The following DYNC2H1 variants were observed in gnomAD, a reference collection of about 807,000 sequenced individuals.
The protein encoded by DYNC2H1 is cytoplasmic dynein 2 heavy chain 1.
In DYNC2H1, 410 loss-of-function variants were observed where a neutral mutation model predicts 570.0. The ratio of observed to expected loss-of-function variants is 0.72; its 90% CI spans 0.66 to 0.78. The LOEUF is 0.78. DYNC2H1 is among the 30% of genes least tolerant of loss of function. DYNC2H1 has a pLI of 0.00. For missense variants in DYNC2H1, 4,865 were observed against 5,046.4 expected (o/e 0.96, Z 1.09); for synonymous variants, 1,688 against 1,677.6 (o/e 1.01, Z -0.15).
intron 83 of DYNC2H1, among the ~76,000 whole-genome samples, chr11:103,388,759 A>G (rs1055187389): frequency 2.2e-4 from 33 of 152,284 alleles, no homozygotes; most frequent in South Asian, 1.7e-3. Context: ...TGAGGTGATA[A>G]TAAGGTGGTT....
intron 59 of DYNC2H1, among the ~76,000 whole-genome samples, chr11:103,224,907 C>T (rs775639200): frequency 1.3e-5 from 2 of 152,136 alleles, no homozygotes; most frequent in Non-Finnish European, 2.9e-5. Flanking sequence ...TCCCTGCCAA[C>T]ATCTATACTT....
rs368282883 is a variant in DYNC2H1 at position 103,276,764 on chromosome 11, G to A, written c.10696-3584G>A. Among the ~76,000 whole-genome samples the A allele has an allele frequency of 6.6e-5, 10 of 152,022 alleles. No individual in the cohort carries two copies. In the East Asian group the frequency reaches 1.7e-3, roughly 26 times the overall value. Reference sequence around the variant, plus strand: ...TATTTATGATAGACTTTTGGATATTGTTATATAAGGTTTCCCTCTGTTATA... The same window carrying A: ...TATTTATGATAGACTTTTGGATATTATTATATAAGGTTTCCCTCTGTTATA... On this transcript the variant is annotated intron_variant, in intron 70 of 88. Coordinates refer to ENST00000375735, the MANE Select transcript of DYNC2H1 (RefSeq NM_001377.3).
At chr11:103,110,685 C>T (rs1031011322) in intron 1 of DYNC2H1, among the ~76,000 whole-genome samples, 3 of 152,056 alleles carry the variant, frequency 2.0e-5, no homozygotes, top group African/African-American at 7.2e-5. Context: ...AGAAAATTGC[C>T]TGACACATTA....
At chr11:103,476,330 C>A (rs888177108) in intron 88 of DYNC2H1, among the ~76,000 whole-genome samples, 1 of 152,034 alleles carries the variant, frequency 6.6e-6, no homozygotes, top group Non-Finnish European at 1.5e-5. Context: ...GTAGCATTTT[C>A]TTTATTTTGA....
At chr11:103,384,501 T>G (rs1941796407) in intron 83 of DYNC2H1, among the ~76,000 whole-genome samples, 1 of 152,168 alleles carries the variant, frequency 6.6e-6, no homozygotes, top group Non-Finnish European at 1.5e-5. Context: ...TTTATATTTT[T>G]TATACTTTTT....
In DYNC2H1 at chr11:103,254,632, T is replaced by C. The variant is rs1370855975; in HGVS notation, c.10207-783T>C. 1.3e-5 allele frequency among the ~76,000 whole-genome samples: 2 copies of C among 152,192 alleles called. No individual in the cohort carries two copies. The highest frequency in any genetic ancestry group is 4.8e-5 in the African/African-American group (2 of 41,448). ...GCACTATTTACTTTCCCACCAGAAA[T>C]ATAGGAGGGTTCCGCTTTTTTCCAT... On this transcript the variant is annotated intron_variant, in intron 66 of 88. Transcript: ENST00000375735. This position sits in a 1 kb window ranked among gnomAD's most constrained non-coding sequence, Gnocchi z 4.9.
At chr11:103,301,126 A>C (rs1325707338) in intron 75 of DYNC2H1, among the ~76,000 whole-genome samples, 1 of 151,858 alleles carries the variant, frequency 6.6e-6, no homozygotes, top group African/African-American at 2.4e-5. Context: ...TTATTGCCAA[A>C]TCTCTTGAAT....
chr11:103,347,652 G>T (rs139656292), intron 82 of DYNC2H1, among the ~76,000 whole-genome samples: 2 of 152,228 alleles, frequency 1.3e-5, no homozygotes, highest in Admixed American at 1.3e-4. Context: ...AATGTTCATA[G>T]TAAAATTAAT....
chr11:103,152,316 G>A (rs781259297), intron 21 of DYNC2H1, 31 bp downstream of exon 21: 5 of 1,541,548 alleles, frequency 3.2e-6, no homozygotes, highest in African/African-American at 2.8e-5. Flanking sequence ...TATTAAAATG[G>A]GAACTTTTTT....
intron 87 of DYNC2H1, among the ~76,000 whole-genome samples, chr11:103,463,982 C>T (rs976762731): frequency 6.6e-6 from 1 of 151,994 alleles, no homozygotes; most frequent in African/African-American, 2.4e-5. Flanking sequence ...AGGGACAGTA[C>T]AGAGGTCTAT....
chr11:103,110,228 C>T (rs1382822907), intron 1 of DYNC2H1, among the ~76,000 whole-genome samples: 1 of 152,052 alleles, frequency 6.6e-6, no homozygotes, highest in Non-Finnish European at 1.5e-5. Context: ...ACCACGTTGG[C>T]CATGTGGGTC....
chr11:103,224,504 G>A (rs1310880096), intron 59 of DYNC2H1, among the ~76,000 whole-genome samples: 1 of 152,150 alleles, frequency 6.6e-6, no homozygotes, highest in African/African-American at 2.4e-5. Flanking sequence ...ACAATGTTTG[G>A]TTTTCCATTC....
chr11:103,333,289 A>T (rs1938921897), intron 82 of DYNC2H1, among the ~76,000 whole-genome samples: 1 of 152,152 alleles, frequency 6.6e-6, no homozygotes, highest in Non-Finnish European at 1.5e-5. Flanking sequence ...TTTGAGACAG[A>T]GTCTCACTCT....
chr11:103,182,937 T>G (rs1203164260), intron 40 of DYNC2H1, among the ~76,000 whole-genome samples: 1 of 151,878 alleles, frequency 6.6e-6, no homozygotes, highest in Non-Finnish European at 1.5e-5. Flanking sequence ...AGGATAGCGA[T>G]GCAAGTGAGG....
At chr11:103,322,014 C>CA (rs928314899) in intron 81 of DYNC2H1, among the ~76,000 whole-genome samples, 8 of 151,856 alleles carry the variant, frequency 5.3e-5, no homozygotes, top group Non-Finnish European at 1.2e-4. Context: ...ACATAATTGT[C>CA]AAAAAATAAA....
chr11:103,121,632 G>T, intron 10 of DYNC2H1, 136 bp downstream of exon 10: 2 of 960,486 alleles, frequency 2.1e-6, no homozygotes, highest in Non-Finnish European at 2.9e-6. Flanking sequence ...CATACAAAAT[G>T]CAGAACACTG....
intron 75 of DYNC2H1, among the ~76,000 whole-genome samples, chr11:103,296,271 G>A (rs1866821757): frequency 6.6e-6 from 1 of 152,070 alleles, no homozygotes; most frequent in African/African-American, 2.4e-5. Flanking sequence ...GATTCTATTT[G>A]GCCATCTTGC....
At chr11:103,380,173 T>C (rs146379158) in intron 83 of DYNC2H1, among the ~76,000 whole-genome samples, 4 of 152,332 alleles carry the variant, frequency 2.6e-5, no homozygotes, top group African/African-American at 9.6e-5. Flanking sequence ...ATTAAGTATT[T>C]ACAGGAATTT....
intron 86 of DYNC2H1, 130 bp downstream of exon 86, chr11:103,455,425 T>A: frequency 1.4e-6 from 1 of 733,552 alleles, no homozygotes; most frequent in Non-Finnish European, 2.3e-6. Flanking sequence ...TGTTATTTTC[T>A]TATTCTCTAC....
Sources: allele counts gnomAD v4.1 joint callset (sites outside exome capture counted in the v4.1 genomes callset), GRCh38; gene constraint gnomAD v4.1.1; non-coding constraint Gnocchi (gnomAD v3.1); transcripts MANE v1.5; gene names NCBI Gene and HGNC (gene_info 2026-07-23, HGNC 2026-07-21).